Variants in POLR3H observed in about 807,000 individuals in gnomAD.
POLR3H encodes the protein DNA-directed RNA polymerase III subunit RPC8.
POLR3H carries 17 observed loss-of-function variants against 25.5 expected under a neutral mutation model. The ratio of observed to expected loss-of-function variants is 0.67; its 90% confidence interval spans 0.46 to 1.00. The LOEUF (loss-of-function observed/expected upper bound fraction) is 1.00. Among genes scored for constraint, POLR3H ranks in the 50% least tolerant of loss-of-function variants. The pLI is 0.00. For missense variants in POLR3H, 274 were observed against 265.0 expected (o/e 1.03, Z -0.24); for synonymous variants, 129 against 103.0 (o/e 1.25, Z -1.53).
In POLR3H at chr22:41,526,488, C is replaced by T; in HGVS notation, c.*2795G>A. 1.3e-6 allele frequency: 2 copies of T among 1,593,706 alleles called. No homozygotes were observed. Among genetic ancestry groups the T allele is most frequent in the Non-Finnish European group, 8.6e-7 (1 of 1,167,218 alleles). ...AGTTGATAGGGGCAATGCCAGTGGT[C>T]ACTCCTGAAGGGGCCTGCAAGGCAG... On this transcript the variant is annotated 3_prime_UTR_variant, in exon 6 of 6. Transcript: ENST00000355209.
In POLR3H at chr22:41,533,506, G is replaced by C. The variant is rs1035678315; in HGVS notation, c.209-761C>G. On this transcript the variant is annotated intron_variant, in intron 2 of 5. Coordinates refer to ENST00000355209, the MANE Select transcript of POLR3H (RefSeq NM_001018050.4). ...CCACATAGCCATGGGGAGACACCTG[G>C]TCTTTCTGTACCCACCAGACAGGGC... 3 of 1,209,458 alleles carry C rather than the reference G, an allele frequency of 2.5e-6. No homozygotes were observed. In the African/African-American group the frequency reaches 4.7e-5, roughly 19 times the overall value. 74.9% of individuals were successfully genotyped at this position (1,209,458 alleles called of 1,614,324 possible). A position where few individuals can be genotyped will look rare whatever the true frequency, so the allele number is the denominator to read the frequency against.
Position 41,530,720 on chromosome 22 carries a change from C to G in POLR3H, c.528G>C (p.Glu176Asp), listed in dbSNP as rs761143853. ...TGTACGGAGCCTCCTTCTTTGGCAG[C>G]TCCTCACTGGAAGTGGTGGCATCTG... ...SSADATTSSEELPKKEAPYTL... is the reference protein window; with the variant it reads ...SSADATTSSEDLPKKEAPYTL... The change falls in exon 5 of 6, where the codon GAG becomes GAC. Residue 176 changes from glutamate (E) to aspartate (D), a missense_variant. Physicochemically the swap from Glu to Asp is conservative, Grantham distance 45. Transcript: ENST00000355209. 5.6e-6 allele frequency: 9 copies of G among 1,613,722 alleles called. No homozygotes were observed. In the South Asian group the frequency reaches 8.8e-5, roughly 16 times the overall value.
intron 2 of POLR3H, 74 bp downstream of exon 2, chr22:41,540,625 G>C: frequency 8.7e-7 from 1 of 1,149,798 alleles, no homozygotes; most frequent in Non-Finnish European, 1.3e-6. Flanking sequence ...ACTGAACCTG[G>C]ATTTGGCTTG....
At chr22:41,537,015 G>A (rs955587558) in intron 2 of POLR3H, among the ~76,000 whole-genome samples, 3 of 151,940 alleles carry the variant, frequency 2.0e-5, no homozygotes, top group Non-Finnish European at 4.4e-5. Context: ...ACAAAGGAGC[G>A]CTGCTCTAGA....
intron 2 of POLR3H, among the ~76,000 whole-genome samples, chr22:41,533,931 G>C (rs1171249282): frequency 6.6e-6 from 1 of 152,140 alleles, no homozygotes; most frequent in Non-Finnish European, 1.5e-5. Flanking sequence ...CTGAGGTCAG[G>C]AGTTTGAGAC....
chr22:41,526,049 A>C lies in POLR3H; in HGVS notation c.*3234T>G, dbSNP rs2066587562. On this transcript the variant is annotated 3_prime_UTR_variant, in exon 6 of 6. Transcript: ENST00000355209. ...CCCATAAGGGAGACTGAGCAGCCAG[A>C]GGCCTTTGAGGGGATGAAGGCCTGG... 1.9e-6 allele frequency: 1 copy of C among 513,112 alleles called. No homozygotes were observed. Among genetic ancestry groups the C allele is most frequent in the East Asian group, 3.1e-5 (1 of 32,636 alleles). 31.8% of individuals were successfully genotyped at this position (513,112 alleles called of 1,614,324 possible). A position where few individuals can be genotyped will look rare whatever the true frequency, so the allele number is the denominator to read the frequency against.
At position 41,528,744 on chromosome 22, in the gene POLR3H, T is replaced by TAGCCCACGGAGTGACTGTGGTTG. The variant is rs1451536790; in HGVS notation, c.*516_*538dup. ...CCAGACATGCTTCCTGCTCCCCGCTTAGCCCACGGAGTGACTGTGGTTGTG... is the reference window on the plus strand; with the variant it reads ...CCAGACATGCTTCCTGCTCCCCGCTTAGCCCACGGAGTGACTGTGGTTGAGCCCACGGAGTGACTGTGGTTGTG... On this transcript the variant is annotated 3_prime_UTR_variant, in exon 6 of 6. Coordinates refer to ENST00000355209, the MANE Select transcript of POLR3H (RefSeq NM_001018050.4). The TAGCCCACGGAGTGACTGTGGTTG allele has an allele frequency of 9.8e-6, 13 of 1,323,058 alleles. No individual in the cohort carries two copies. In the South Asian group the frequency reaches 1.9e-4, roughly 19 times the overall value. 82.0% of individuals were successfully genotyped at this position (1,323,058 alleles called of 1,614,324 possible).
chr22:41,532,123 G>A lies in POLR3H; in HGVS notation c.330C>T (p.Pro110=), dbSNP rs1197468476. The part of the protein sequence containing the change: ...SLGFFDDILI[P]PESLQQPAKF... ...TGGCTGGCTGCTGCAGTGACTCTGGGGGGATGAGAATGTCATCGAAGAAGC... is the reference window on the plus strand; with the variant it reads ...TGGCTGGCTGCTGCAGTGACTCTGGAGGGATGAGAATGTCATCGAAGAAGC... Residue 110 remains proline, a synonymous_variant, in exon 4 of 6, where the codon CCC becomes CCT. Transcript: ENST00000355209. 6.2e-7 allele frequency: 1 copy of A among 1,614,146 alleles called. No individual in the cohort carries two copies. Among genetic ancestry groups the A allele is most frequent in the Non-Finnish European group, 8.5e-7 (1 of 1,179,998 alleles).
intron 3 of POLR3H, 197 bp downstream of exon 3, chr22:41,532,462 C>T (rs755414524): frequency 5.8e-5 from 56 of 970,506 alleles, no homozygotes; most frequent in Middle Eastern, 3.4e-4. Context: ...TCCTGAGTGA[C>T]GGCCTCACAG....
At chr22:41,538,723 T>C (rs1358804293) in intron 2 of POLR3H, among the ~76,000 whole-genome samples, 5 of 152,198 alleles carry the variant, frequency 3.3e-5, no homozygotes, top group Non-Finnish European at 7.3e-5. Flanking sequence ...TGCAATCTTA[T>C]TTCTCTGCTA....
At position 41,535,974 on chromosome 22, in the gene POLR3H, T is replaced by G. The variant is rs530804903; in HGVS notation, c.209-3229A>C. ...GACAGAGTAAAACTCTTGCATTTTT[T>G]AGAGACAGGGTTTTAGCATGTTGCC... On this transcript the variant is annotated intron_variant, in intron 2 of 5. Transcript: ENST00000355209. Among the ~76,000 whole-genome samples, 3 of 151,188 alleles carry G rather than the reference T, an allele frequency of 2.0e-5. No homozygotes were observed. In the East Asian group the frequency reaches 6.1e-4, roughly 31 times the overall value.
chr22:41,541,930 C>A (rs1281716108), intron 1 of POLR3H, among the ~76,000 whole-genome samples: 1 of 152,160 alleles, frequency 6.6e-6, no homozygotes, highest in Non-Finnish European at 1.5e-5. Context: ...CTTCTCAGCC[C>A]ATCACCTTCT....
chr22:41,535,830 G>A (rs916060111), intron 2 of POLR3H, among the ~76,000 whole-genome samples: 11 of 152,200 alleles, frequency 7.2e-5, no homozygotes, highest in South Asian at 2.1e-4. Flanking sequence ...AAAATTAGCC[G>A]AGCATGGTGG....
intron 1 of POLR3H, among the ~76,000 whole-genome samples, chr22:41,541,224 C>G (rs548141007): frequency 6.6e-6 from 1 of 152,306 alleles, no homozygotes; most frequent in African/African-American, 2.4e-5. Context: ...CTAGTGAGGA[C>G]CAGTGACAGG....
Position 41,527,227 on chromosome 22 carries a change from C to T in POLR3H, c.*2056G>A. ...GGTGGGTGAGGCCAGGCAGGTAGGG[C>T]CAGACAGGTGAGGACGGTGCCCTCC... is the stretch of plus-strand genomic sequence containing the variant. On this transcript the variant is annotated 3_prime_UTR_variant, in exon 6 of 6. Transcript: ENST00000355209. 6.2e-7 allele frequency: 1 copy of T among 1,612,664 alleles called. No homozygotes were observed. Among genetic ancestry groups the T allele is most frequent in the Non-Finnish European group, 8.5e-7 (1 of 1,179,358 alleles).
intron 2 of POLR3H, among the ~76,000 whole-genome samples, chr22:41,534,232 G>A (rs1157136708): frequency 6.6e-6 from 1 of 152,070 alleles, no homozygotes; most frequent in Non-Finnish European, 1.5e-5. Context: ...ATGATCCTGC[G>A]CCCAGGGAGC....
At chr22:41,531,850 G>C (rs2066742944) in intron 4 of POLR3H, among the ~76,000 whole-genome samples, 1 of 152,246 alleles carries the variant, frequency 6.6e-6, no homozygotes, top group Non-Finnish European at 1.5e-5. Flanking sequence ...ATGGTGTGCA[G>C]TGTACAACCC....
chr22:41,543,288 C>T (rs2066959598), intron 1 of POLR3H, among the ~76,000 whole-genome samples: 1 of 152,116 alleles, frequency 6.6e-6, no homozygotes, highest in Non-Finnish European at 1.5e-5. Flanking sequence ...AGGGATGAAC[C>T]TCCTGACAGT....
rs2066665487 is a variant in POLR3H at position 41,529,001 on chromosome 22, C to CTGTGCCG, written c.*275_*281dup. 1 of 537,866 alleles carries CTGTGCCG rather than the reference C, an allele frequency of 1.9e-6. No homozygotes were observed. Among genetic ancestry groups the CTGTGCCG allele is most frequent in the Non-Finnish European group, 3.3e-6 (1 of 305,140 alleles). The allele number at this position is 537,866 out of a possible 1,614,324, so 33.3% of individuals were successfully genotyped here. ...TGACTGTTCTGTGAGTGATTGGTGTCTGTGCCGTTTGTTGTCAAGTCCAGG... is the reference window on the plus strand; with the variant it reads ...TGACTGTTCTGTGAGTGATTGGTGTCTGTGCCGTGTGCCGTTTGTTGTCAAGTCCAGG... On this transcript the variant is annotated 3_prime_UTR_variant, in exon 6 of 6. Transcript: ENST00000355209.
Sources: gnomAD v4.1 joint callset for allele counts (sites outside exome capture counted in the v4.1 genomes callset) on GRCh38, gnomAD v4.1.1 for gene constraint, MANE v1.5 for transcripts, NCBI Gene and HGNC (gene_info 2026-07-23, HGNC 2026-07-21) for gene names.